Variants in PLCB1 observed in about 807,000 individuals in gnomAD.
PLCB1 encodes phospholipase C beta 1.
PLCB1 carries 46 observed loss-of-function variants against 161.8 expected under a neutral mutation model. That is an observed-to-expected ratio of 0.28 (90% confidence interval 0.22 to 0.36). The LOEUF is 0.36. Among genes scored for constraint, PLCB1 ranks in the 10% least tolerant of loss-of-function variants. PLCB1 has a pLI of 1.00. For missense variants in PLCB1, 1,016 were observed against 1,472.5 expected, an observed-to-expected ratio of 0.69 and a Z score of 5.07; for synonymous variants, 517 against 503.7, an observed-to-expected ratio of 1.03 and a Z score of -0.35.
At chr20:8,685,430 G>A (rs1990337744) in intron 10 of PLCB1, among the ~76,000 whole-genome samples, 1 of 151,918 alleles carries the variant, frequency 6.6e-6, no homozygotes. Context: ...TCATCTACAT[G>A]ACAGCTCCGA....
intron 31 of PLCB1, among the ~76,000 whole-genome samples, chr20:8,818,323 G>T (rs527304112): frequency 6.6e-6 from 1 of 152,226 alleles, no homozygotes; most frequent in South Asian, 2.1e-4. Context: ...ACAAAAGATG[G>T]GGAGCAAGGA....
At chr20:8,589,119 T>C (rs1987072493) in intron 3 of PLCB1, among the ~76,000 whole-genome samples, 1 of 152,172 alleles carries the variant, frequency 6.6e-6, no homozygotes, top group African/African-American at 2.4e-5. Context: ...TTAATTCCCA[T>C]CACTGTTTTG....
chr20:8,432,663 G>GT (rs1410005854), intron 3 of PLCB1, among the ~76,000 whole-genome samples: 2 of 152,124 alleles, frequency 1.3e-5, no homozygotes, highest in African/African-American at 4.8e-5. Context: ...TCATTCCCAT[G>GT]TTTTTTTCTT....
At chr20:8,730,938 G>C (rs1980207725) in intron 18 of PLCB1, among the ~76,000 whole-genome samples, 1 of 151,380 alleles carries the variant, frequency 6.6e-6, no homozygotes, top group African/African-American at 2.4e-5. Context: ...TCTTATAATA[G>C]CCTATTTTTT....
intron 12 of PLCB1, chr20:8,715,821 C>T (rs1468755884): frequency 6.4e-6 from 1 of 155,920 alleles, no homozygotes; most frequent in Non-Finnish European, 1.4e-5. Flanking sequence ...CCTTATCTAT[C>T]CTCTTTCATC....
chr20:8,263,345 A>G (rs1025762587), intron 2 of PLCB1, among the ~76,000 whole-genome samples: 3 of 152,194 alleles, frequency 2.0e-5, no homozygotes, highest in Middle Eastern at 3.2e-3. Flanking sequence ...TATCATCAAT[A>G]AAAGTTTTAA....
chr20:8,790,196 C>T lies in PLCB1; in HGVS notation c.3358C>T (p.Arg1120Trp), dbSNP rs2146222855. Residue 1120 changes from arginine (R) to tryptophan (W), a missense_variant, in exon 31 of 32, where the codon CGG becomes TGG. By Grantham distance (101) the Arg-to-Trp change is moderately radical. This residue lies in a region of PLCB1 where 398 missense variants were observed against 445.4 expected (regional missense o/e 0.89). Coordinates refer to ENST00000338037, the MANE Select transcript of PLCB1 (RefSeq NM_015192.4). Reference sequence around the variant, plus strand: ...ATAGCTAGAAGAAGCGCAAAGTAAACGGCAAGAAAAACTCGTAGAGAAACA... The same window carrying T: ...ATAGCTAGAAGAAGCGCAAAGTAAATGGCAAGAAAAACTCGTAGAGAAACA... ...IKRLEEAQSK[R>W]QEKLVEKHKE... The T allele has an allele frequency of 6.2e-7, 1 of 1,610,850 alleles. No individual in the cohort carries two copies. Among genetic ancestry groups the T allele is most frequent in the Non-Finnish European group, 8.5e-7 (1 of 1,177,910 alleles).
intron 2 of PLCB1, among the ~76,000 whole-genome samples, chr20:8,328,445 C>T (rs1985240587): frequency 6.6e-6 from 1 of 151,968 alleles, no homozygotes; most frequent in African/African-American, 2.4e-5. Flanking sequence ...AATTTTTAAG[C>T]ATATGACATA....
chr20:8,404,655 T>C (rs1482293146), intron 3 of PLCB1, among the ~76,000 whole-genome samples: 1 of 152,230 alleles, frequency 6.6e-6, no homozygotes, highest in East Asian at 1.9e-4. Context: ...GGTAACATTC[T>C]ATAATTTAAA....
intron 9 of PLCB1, among the ~76,000 whole-genome samples, chr20:8,675,228 C>T (rs528273559): frequency 3.3e-5 from 5 of 152,086 alleles, no homozygotes; most frequent in Non-Finnish European, 7.3e-5. Flanking sequence ...GCTTCTTGCA[C>T]GCACCACCGC....
At chr20:8,635,310 G>GAA (rs1988726324) in intron 4 of PLCB1, among the ~76,000 whole-genome samples, 1 of 152,058 alleles carries the variant, frequency 6.6e-6, no homozygotes, top group African/African-American at 2.4e-5. Context: ...AAAGGAAAAG[G>GAA]AAAAGGAAAA....
intron 3 of PLCB1, among the ~76,000 whole-genome samples, chr20:8,590,871 A>G (rs1159733686): frequency 6.6e-6 from 1 of 152,122 alleles, no homozygotes; most frequent in Non-Finnish European, 1.5e-5. Flanking sequence ...CAGGTTTGTT[A>G]CATAGGTAAA....
At position 8,250,838 on chromosome 20, in the gene PLCB1, G is replaced by C. The variant is rs185967093; in HGVS notation, c.177+100467G>C. Reference sequence around the variant, plus strand: ...CAACAATATGCCAGGGACTTTGCTAGCTGCTGTGGATTCAGAGATGAAAAG... The same window carrying C: ...CAACAATATGCCAGGGACTTTGCTACCTGCTGTGGATTCAGAGATGAAAAG... On this transcript the variant is annotated intron_variant, in intron 2 of 31. Coordinates refer to ENST00000338037, the MANE Select transcript of PLCB1 (RefSeq NM_015192.4). Among the ~76,000 whole-genome samples the C allele has an allele frequency of 3.3e-5, 5 of 152,062 alleles. No homozygotes were observed. In the East Asian group the frequency reaches 9.7e-4, roughly 30 times the overall value.
At chr20:8,660,616 A>G (rs764147409) in intron 9 of PLCB1, among the ~76,000 whole-genome samples, 4 of 152,128 alleles carry the variant, frequency 2.6e-5, no homozygotes, top group Middle Eastern at 3.2e-3. Flanking sequence ...AAAAATTGTG[A>G]TAGATTACTG....
intron 3 of PLCB1, among the ~76,000 whole-genome samples, chr20:8,620,491 G>A (rs1454468839): frequency 2.0e-5 from 3 of 151,904 alleles, no homozygotes; most frequent in Non-Finnish European, 4.4e-5. Context: ...TGCAATCCTA[G>A]CATTCTGGGA....
chr20:8,291,882 G>A (rs1217265396), intron 2 of PLCB1, among the ~76,000 whole-genome samples: 1 of 152,104 alleles, frequency 6.6e-6, no homozygotes, highest in Non-Finnish European at 1.5e-5. Context: ...TGACTCACAG[G>A]TTAATCCTTC....
chr20:8,795,764 A>G (rs1568602786), intron 31 of PLCB1, among the ~76,000 whole-genome samples: 1 of 151,930 alleles, frequency 6.6e-6, no homozygotes, highest in Non-Finnish European at 1.5e-5. Context: ...AGTCCCGGCT[A>G]CTTGGGAGGC....
chr20:8,820,216 A>T (rs1460880367), intron 31 of PLCB1, among the ~76,000 whole-genome samples: 1 of 148,266 alleles, frequency 6.7e-6, no homozygotes. Flanking sequence ...ATTATATAGT[A>T]TTATATATAC....
At chr20:8,779,779 A>G (rs777185257) in intron 27 of PLCB1, among the ~76,000 whole-genome samples, 2 of 152,208 alleles carry the variant, frequency 1.3e-5, no homozygotes, top group Non-Finnish European at 2.9e-5. Context: ...GAGTAAGCCT[A>G]CAATTTCCGT....
Sources: gnomAD v4.1 joint callset for allele counts (sites outside exome capture counted in the v4.1 genomes callset) on GRCh38, gnomAD v4.1.1 for gene constraint, gnomAD v4.1.1 regional missense constraint, MANE v1.5 for transcripts, NCBI Gene and HGNC (gene_info 2026-07-23, HGNC 2026-07-21) for gene names.